The following PPA2 variants were observed in gnomAD, a reference collection of about 807,000 sequenced individuals.
The protein encoded by PPA2 is inorganic pyrophosphatase 2, mitochondrial.
In PPA2, 48 loss-of-function variants were observed where a neutral mutation model predicts 49.5. The observed-to-expected ratio is 0.97, with a 90% CI of 0.77 to 1.23. The LOEUF (loss-of-function observed/expected upper bound fraction) is 1.23, where lower values mean the gene tolerates loss of function less well. Ranked by LOEUF, PPA2 falls within the 50% of genes most tolerant of loss-of-function variation. The pLI, the probability that PPA2 is intolerant of heterozygous loss-of-function variation, is 0.00. For synonymous variants in PPA2, 131 were observed against 139.9 expected, an observed-to-expected ratio of 0.94 and a Z score of 0.45; for missense variants, 429 against 410.1, an observed-to-expected ratio of 1.05 and a Z score of -0.40.
In PPA2 at chr4:105,463,763, G is replaced by C. The variant is rs566812226; in HGVS notation, c.158-7018C>G. Among the ~76,000 whole-genome samples the C allele has an allele frequency of 7.0e-4, 106 of 152,342 alleles. 1 individual carries two copies. The highest frequency in any genetic ancestry group is 2.5e-3 in the African/African-American group (103 of 41,580). ...ACAGCTTGGGTTTTTGCTTCAGCGG[G>C]TGGAAGCCCCAAGACTTGGCAGCTT... On this transcript the variant is annotated intron_variant, in intron 1 of 11. Transcript: ENST00000341695.
intron 1 of PPA2, among the ~76,000 whole-genome samples, chr4:105,460,325 C>A (rs1001089287): frequency 2.0e-5 from 3 of 151,896 alleles, no homozygotes; most frequent in Admixed American, 6.6e-5. Flanking sequence ...GGTTTCTTTC[C>A]ACCCTCCCCC....
intron 7 of PPA2, among the ~76,000 whole-genome samples, chr4:105,416,690 T>G (rs1049452834): frequency 2.0e-5 from 3 of 152,236 alleles, no homozygotes; most frequent in African/African-American, 7.2e-5. Context: ...ACTGATTTTC[T>G]TAATAATTTA....
chr4:105,444,657 G>A (rs978526528), intron 5 of PPA2, among the ~76,000 whole-genome samples: 11 of 152,006 alleles, frequency 7.2e-5, no homozygotes, highest in South Asian at 2.1e-4. Context: ...TTTTACCTCC[G>A]TTCCTCCCCT....
intron 1 of PPA2, among the ~76,000 whole-genome samples, chr4:105,467,159 TCTGCC>T (rs1723338583): frequency 6.6e-6 from 1 of 152,170 alleles, no homozygotes; most frequent in Non-Finnish European, 1.5e-5. Flanking sequence ...GGAGCCCTCT[TCTGCC>T]CTGCTCATGC....
Position 105,391,892 on chromosome 4 carries a change from G to A in PPA2, c.869+4357C>T, listed in dbSNP as rs185477899. Among the ~76,000 whole-genome samples the A allele has an allele frequency of 9.5e-3, 1,360 of 143,604 alleles. 14 individuals carry two copies. Among genetic ancestry groups the A allele is most frequent in the Non-Finnish European group, 0.016 (1,082 of 67,366 alleles). 94.2% of individuals were successfully genotyped at this position (143,604 alleles called of 152,430 possible). A position where few individuals can be genotyped will look rare whatever the true frequency, so the allele number is the denominator to read the frequency against. Reference sequence around the variant, plus strand: ...GATTGTTAATAAAAAAAGAGTATGAGTAAAGAAATAAAGCATTACTTTATG... The same window carrying A: ...GATTGTTAATAAAAAAAGAGTATGAATAAAGAAATAAAGCATTACTTTATG... On this transcript the variant is annotated intron_variant, in intron 9 of 11. Coordinates refer to ENST00000341695, the MANE Select transcript of PPA2 (RefSeq NM_176869.3).
intron 7 of PPA2, among the ~76,000 whole-genome samples, chr4:105,399,905 T>C (rs1454189184): frequency 1.3e-5 from 2 of 152,180 alleles, no homozygotes; most frequent in African/African-American, 4.8e-5. Flanking sequence ...CCATTCTGAG[T>C]AGCCTGATGA....
chr4:105,473,676 C>G, intron 1 of PPA2: 1 of 818,112 alleles, frequency 1.2e-6, no homozygotes, highest in South Asian at 1.4e-5. Context: ...CCTCTGCTCT[C>G]CGCTTTGGGG....
chr4:105,421,320 G>A (rs993539411), intron 7 of PPA2, among the ~76,000 whole-genome samples: 1 of 152,024 alleles, frequency 6.6e-6, no homozygotes. Context: ...CCATTCAAAA[G>A]AACAAAAAAC....
chr4:105,470,859 C>G (rs574163727), intron 1 of PPA2, among the ~76,000 whole-genome samples: 18 of 152,254 alleles, frequency 1.2e-4, no homozygotes, highest in Admixed American at 2.6e-4. Flanking sequence ...GTGACTTGTC[C>G]AAGACGGTAA....
At chr4:105,422,681 T>C (rs1219074611) in intron 7 of PPA2, among the ~76,000 whole-genome samples, 1 of 152,188 alleles carries the variant, frequency 6.6e-6, no homozygotes, top group Non-Finnish European at 1.5e-5. Flanking sequence ...TGTGTACTAT[T>C]TACATGTTTG....
chr4:105,434,348 T>C (rs1188088237), intron 6 of PPA2, among the ~76,000 whole-genome samples: 1 of 152,238 alleles, frequency 6.6e-6, no homozygotes, highest in Non-Finnish European at 1.5e-5. Flanking sequence ...AGTTTAAAGT[T>C]GGCTATACTG....
In PPA2 at chr4:105,386,494, G is replaced by T. The variant is rs577507818; in HGVS notation, c.939+73C>A. 1.2e-4 allele frequency: 171 copies of T among 1,394,372 alleles called. 2 individuals carry two copies. The South Asian group carries it at 2.0e-3, about 16-fold the overall frequency. The allele number at this position is 1,394,372 out of a possible 1,614,324, so 86.4% of individuals were successfully genotyped here. ...GGACTTGACACATTTCATTGCTAGA[G>T]ATTTCAGAATTTCTACTAGACTTCC... On this transcript the variant is annotated intron_variant, in intron 10 of 11. Transcript: ENST00000341695.
At chr4:105,445,543 T>C (rs1390320132) in intron 5 of PPA2, among the ~76,000 whole-genome samples, 1 of 152,130 alleles carries the variant, frequency 6.6e-6, no homozygotes, top group Non-Finnish European at 1.5e-5. Flanking sequence ...CTTTTTCATG[T>C]TGGATAAAAC....
chr4:105,373,928 C>G (rs1733133922), intron 10 of PPA2, among the ~76,000 whole-genome samples: 1 of 152,026 alleles, frequency 6.6e-6, no homozygotes, highest in African/African-American at 2.4e-5. Context: ...TGATAAACAT[C>G]AGCTATTTGA....
At position 105,435,321 on chromosome 4, in the gene PPA2, C is replaced by T. The variant is rs545631111; in HGVS notation, c.528+2629G>A. On this transcript the variant is annotated intron_variant, in intron 6 of 11. Transcript: ENST00000341695. ...TAATTAAAGGAATAAACTTCTCTGG[C>T]TATAAGATGCAAGGATGATATGTGA... Among the ~76,000 whole-genome samples the T allele has an allele frequency of 6.6e-5, 10 of 152,214 alleles. No individual in the cohort carries two copies. In the South Asian group the frequency reaches 2.1e-3, roughly 32 times the overall value.
chr4:105,438,037 C>G lies in PPA2; in HGVS notation c.442-1G>C. ...CTTTTTCATGGGGATCTTCCCAAGT[C>G]TAAAATTTTTTTTTTAAAAAAAAGC... On this transcript the variant is annotated splice_acceptor_variant, in intron 5 of 11. Coordinates refer to ENST00000341695, the MANE Select transcript of PPA2 (RefSeq NM_176869.3). LOFTEE classifies it high-confidence loss of function. 1 of 1,594,694 alleles carries G rather than the reference C, an allele frequency of 6.3e-7. No homozygotes were observed. Among genetic ancestry groups the G allele is most frequent in the East Asian group, 2.2e-5 (1 of 44,662 alleles).
At chr4:105,422,754 T>C (rs1041725129) in intron 7 of PPA2, among the ~76,000 whole-genome samples, 13 of 152,192 alleles carry the variant, frequency 8.5e-5, no homozygotes, top group African/African-American at 3.1e-4. Context: ...ATATCTACTA[T>C]AACAGGCACC....
chr4:105,379,599 G>A (rs1362390027), intron 10 of PPA2, among the ~76,000 whole-genome samples: 2 of 150,030 alleles, frequency 1.3e-5, no homozygotes, highest in African/African-American at 4.9e-5. Context: ...CAGTAGCTGG[G>A]ATTTCAGGCA....
At chr4:105,392,549 T>A (rs1406580015) in intron 9 of PPA2, among the ~76,000 whole-genome samples, 1 of 152,038 alleles carries the variant, frequency 6.6e-6, no homozygotes, top group East Asian at 1.9e-4. Context: ...GGCAGGTGCC[T>A]GTAATCCTAG....
Sources: allele counts gnomAD v4.1 joint callset (sites outside exome capture counted in the v4.1 genomes callset), GRCh38; gene constraint gnomAD v4.1.1; transcripts MANE v1.5; gene names NCBI Gene and HGNC (gene_info 2026-07-23, HGNC 2026-07-21).